ABCB1: variants seen among roughly 807,000 people sequenced by gnomAD.
ABCB1 encodes the protein ATP-dependent translocase ABCB1.
Under a neutral mutation model 142.0 loss-of-function variants are expected in ABCB1, and 69 were observed. The ratio of observed to expected loss-of-function variants is 0.49; its 90% CI spans 0.40 to 0.59. The LOEUF (loss-of-function observed/expected upper bound fraction) is 0.59. Among genes scored for constraint, ABCB1 ranks in the 20% least tolerant of loss-of-function variants. ABCB1 has a pLI of 0.00. For synonymous variants in ABCB1, 532 were observed against 539.2 expected (o/e 0.99, Z 0.18); for missense variants, 1,326 against 1,554.7 (o/e 0.85, Z 2.47).
intron 4 of ABCB1, among the ~76,000 whole-genome samples, chr7:87,579,543 A>C (rs1480489287): frequency 6.6e-6 from 1 of 152,228 alleles, no homozygotes; most frequent in African/African-American, 2.4e-5. Context: ...CAATCCTTGC[A>C]TCCCTGGGAT....
At position 87,626,104 on chromosome 7, in the gene ABCB1, ATATATATGTGT is replaced by A. The variant is rs1820449801; in HGVS notation, c.-330-25037_-330-25027del. On this transcript the variant is annotated intron_variant, in intron 1 of 28. Coordinates refer to the ABCB1 transcript ENST00000265724. ...TATATATATATATATATATATTGTC[ATATATATGTGT>A]CATATATATTGTCATATATATGTGT... Among the ~76,000 whole-genome samples the A allele has an allele frequency of 1.5e-5, 2 of 134,906 alleles. 1 individual carries two copies. Among genetic ancestry groups the A allele is most frequent in the African/African-American group, 5.6e-5 (2 of 35,534 alleles). The allele number at this position is 134,906 out of a possible 152,430, so 88.5% of individuals were successfully genotyped here.
chr7:87,542,450 C>G (rs571327137), intron 17 of ABCB1, among the ~76,000 whole-genome samples: 1 of 152,186 alleles, frequency 6.6e-6, no homozygotes, highest in East Asian at 1.9e-4. Flanking sequence ...CAAGGGATGA[C>G]TCAAGGATAT....
chr7:87,674,313 G>A (rs1826112039), intron 1 of ABCB1, among the ~76,000 whole-genome samples: 1 of 152,132 alleles, frequency 6.6e-6, no homozygotes, highest in Non-Finnish European at 1.5e-5. Context: ...GGGGGTACTG[G>A]CATCCATGCA....
Position 87,573,308 on chromosome 7 carries a change from G to A in ABCB1, c.287-3085C>T, listed in dbSNP as rs73705257. Among the ~76,000 whole-genome samples, 779 of 152,166 alleles carry A rather than the reference G, an allele frequency of 5.1e-3. 5 individuals are homozygous for A. The highest frequency in any genetic ancestry group is 0.018 in the African/African-American group (739 of 41,516). ...CTGGTTCTCCTACTTCCACCACTCT[G>A]ATGCTTCTCCCTTAGTCTCAGTTAC... is the stretch of plus-strand genomic sequence containing the variant. On this transcript the variant is annotated intron_variant, in intron 4 of 27. Coordinates refer to ENST00000622132, the MANE Select transcript of ABCB1 (RefSeq NM_001348946.2).
chr7:87,668,972 C>T (rs557385599), intron 1 of ABCB1, among the ~76,000 whole-genome samples: 6 of 152,164 alleles, frequency 3.9e-5, no homozygotes, highest in African/African-American at 1.4e-4. Context: ...GTGGAGAGTT[C>T]TATAGAGGTG....
chr7:87,680,786 TC>T (rs1486514485), intron 1 of ABCB1, among the ~76,000 whole-genome samples: 2 of 145,834 alleles, frequency 1.4e-5, no homozygotes, highest in African/African-American at 5.2e-5. Flanking sequence ...GGAGTGAAAC[TC>T]CATCTCAAAA....
Position 87,585,574 on chromosome 7 carries a change from A to G in ABCB1, c.224T>C (p.Met75Thr). Residue 75 changes from methionine to threonine, a missense_variant, in exon 4 of 28, where the codon ATG (methionine) becomes ACG (threonine). Met to Thr is a moderately conservative substitution (Grantham distance 81). Transcript: ENST00000622132. ...TCCTGCATTTGCAAAGATATCTGTC[A>G]TTTCTCCAAACACCAGCATCATGAG... ...LPLMMLVFGE[M>T]TDIFANAGNL... 1 of 1,614,028 alleles carries G rather than the reference A, an allele frequency of 6.2e-7. No homozygotes were observed. Among genetic ancestry groups the G allele is most frequent in the Non-Finnish European group, 8.5e-7 (1 of 1,179,898 alleles).
chr7:87,538,719 TG>T (rs1466744099), intron 19 of ABCB1, among the ~76,000 whole-genome samples: 1 of 152,168 alleles, frequency 6.6e-6, no homozygotes, highest in Non-Finnish European at 1.5e-5. Flanking sequence ...CACGTGTCAA[TG>T]GTTAGGGTTT....
intron 1 of ABCB1, among the ~76,000 whole-genome samples, chr7:87,634,499 G>C (rs1293914372): frequency 7.4e-6 from 1 of 135,904 alleles, no homozygotes; most frequent in Non-Finnish European, 1.6e-5. Flanking sequence ...GGGGGTGGGG[G>C]GGGGGGCACC....
intron 1 of ABCB1, among the ~76,000 whole-genome samples, chr7:87,684,746 C>CAAAAAAAAAAAAAAAAA (rs71524694): frequency 1.6e-4 from 6 of 37,784 alleles, no homozygotes; most frequent in Non-Finnish European, 2.0e-4. Context: ...GACTCCGTCT[C>CAAAAAAAAAAAAAAAAA]AAAAAAAAAA....
At chr7:87,606,003 C>CA (rs755771733) in intron 1 of ABCB1, among the ~76,000 whole-genome samples, 10 of 151,596 alleles carry the variant, frequency 6.6e-5, no homozygotes, top group Non-Finnish European at 1.5e-4. Flanking sequence ...ATAAAAACAA[C>CA]AAAATTATGA....
At chr7:87,612,669 T>C (rs780093691) in intron 1 of ABCB1, among the ~76,000 whole-genome samples, 5 of 152,194 alleles carry the variant, frequency 3.3e-5, no homozygotes, top group Non-Finnish European at 7.4e-5. Context: ...TATAATCGTA[T>C]AGTATAATTT....
chr7:87,519,356 T>C lies in ABCB1; in HGVS notation c.2897A>G (p.His966Arg). The stretch of plus-strand genomic sequence containing the variant: ...AACATCCTCAAAGCTCATGAGTTTA[T>C]GTGCCACCAAGTAGGCTCCAAACCG... ...CFRFGAYLVA[H>R]KLMSFEDVLL... The change falls in exon 23 of 28, where the codon CAT becomes CGT. Residue 966 changes from histidine to arginine, a missense_variant. Transcript: ENST00000622132. The C allele has an allele frequency of 1.9e-6, 3 of 1,614,164 alleles. No homozygotes were observed. Among genetic ancestry groups the C allele is most frequent in the South Asian group, 1.1e-5 (1 of 91,090 alleles).
intron 19 of ABCB1, among the ~76,000 whole-genome samples, chr7:87,537,263 T>C (rs964887212): frequency 3.3e-5 from 5 of 151,674 alleles, no homozygotes. Flanking sequence ...TGAGAGAGAG[T>C]GGGGGCCACA....
At chr7:87,549,053 C>A (rs1347612429) in intron 14 of ABCB1, among the ~76,000 whole-genome samples, 1 of 152,180 alleles carries the variant, frequency 6.6e-6, no homozygotes, top group Non-Finnish European at 1.5e-5. Flanking sequence ...TGAAGATGAA[C>A]TTTCACATGT....
intron 21 of ABCB1, among the ~76,000 whole-genome samples, chr7:87,528,516 T>C (rs1247554179): frequency 1.3e-5 from 2 of 152,172 alleles, no homozygotes; most frequent in African/African-American, 2.4e-5. Context: ...AAAACCTACA[T>C]ATAAGTGGAC....
intron 17 of ABCB1, among the ~76,000 whole-genome samples, chr7:87,543,689 A>G (rs1416108405): frequency 2.6e-5 from 4 of 152,214 alleles, no homozygotes; most frequent in Non-Finnish European, 5.9e-5. Context: ...TGAAAATTAC[A>G]TCTTACAAAA....
At chr7:87,522,516 G>A in intron 21 of ABCB1, 1 of 495,696 alleles carries the variant, frequency 2.0e-6, no homozygotes, top group Non-Finnish European at 3.9e-6. Context: ...AAGCACAGTG[G>A]TGGCAGGGCC....
chr7:87,686,951 GA>G (rs1202632144), intron 1 of ABCB1, among the ~76,000 whole-genome samples: 1,139 of 69,146 alleles, frequency 0.016, 10 homozygotes, highest in African/African-American at 0.044. Flanking sequence ...ATCTCCAAAA[GA>G]AAAAAAAAAA....
Sources: allele counts gnomAD v4.1 joint callset (sites outside exome capture counted in the v4.1 genomes callset), GRCh38; gene constraint gnomAD v4.1.1; transcripts MANE v1.5; gene names NCBI Gene and HGNC (gene_info 2026-07-23, HGNC 2026-07-21).